MYT1: variants seen among roughly 807,000 people sequenced by gnomAD.
The protein encoded by MYT1 is myelin transcription factor 1.
In MYT1, 23 loss-of-function variants were observed where a neutral mutation model predicts 123.0. The observed-to-expected ratio is 0.19, with a 90% confidence interval of 0.13 to 0.26. The LOEUF is 0.26. Among genes scored for constraint, MYT1 ranks in the 10% least tolerant of loss-of-function variants. The pLI is 1.00. For missense variants in MYT1, 1,125 were observed against 1,472.5 expected, an observed-to-expected ratio of 0.76 and a Z score of 3.86; for synonymous variants, 518 against 575.3, an observed-to-expected ratio of 0.90 and a Z score of 1.43.
In MYT1 at chr20:64,230,148, C is replaced by T. The variant is rs534386955; in HGVS notation, c.2676-2016C>T. ...AAATCTGAAATCCTCTCCATGTATG[C>T]GATTCAAGGGAACAAAAACAGTTTC... On this transcript the variant is annotated intron_variant, in intron 18 of 22. Coordinates refer to ENST00000328439, the MANE Select transcript of MYT1 (RefSeq NM_004535.3). Among the ~76,000 whole-genome samples, 5 of 152,222 alleles carry T rather than the reference C, an allele frequency of 3.3e-5. No homozygotes were observed. In the South Asian group the frequency reaches 6.2e-4, roughly 19 times the overall value.
chr20:64,171,045 G>T, intron 1 of MYT1, among the ~76,000 whole-genome samples: 1 of 150,050 alleles, frequency 6.7e-6, no homozygotes, highest in East Asian at 2.0e-4. Flanking sequence ...AAGTAGCTGG[G>T]ACTGCAGATG....
intron 18 of MYT1, among the ~76,000 whole-genome samples, chr20:64,228,597 G>T (rs1301154019): frequency 6.6e-6 from 1 of 152,176 alleles, no homozygotes; most frequent in Admixed American, 6.5e-5. Flanking sequence ...TCTTTGTGGG[G>T]CTTATAGGTG....
rs570768574 is a variant in MYT1 at position 64,184,246 on chromosome 20, G to C, written c.-98-5817G>C. 8.5e-5 allele frequency among the ~76,000 whole-genome samples: 13 copies of C among 152,196 alleles called. No homozygotes were observed. The South Asian group carries it at 2.7e-3, about 32-fold the overall frequency. ...CCATTGCTGAACCCAGAGTCGGAAA[G>C]ATTTACCGCGGTGTTTTCTAGGAGT... On this transcript the variant is annotated intron_variant, in intron 1 of 22. Transcript: ENST00000328439.
chr20:64,201,888 C>T (rs146759808), intron 4 of MYT1, among the ~76,000 whole-genome samples: 2 of 141,086 alleles, frequency 1.4e-5, no homozygotes, highest in East Asian at 1.9e-4. Context: ...AGTCACCTGT[C>T]GGGAACCCCC....
At chr20:64,171,508 A>C (rs1421780125) in intron 1 of MYT1, among the ~76,000 whole-genome samples, 1 of 152,222 alleles carries the variant, frequency 6.6e-6, no homozygotes, top group Non-Finnish European at 1.5e-5. Context: ...GCGGCTTCTA[A>C]GTCAGAACCT....
chr20:64,232,490 G>A lies in MYT1; in HGVS notation c.2897+105G>A, dbSNP rs1428555408. On this transcript the variant is annotated intron_variant, in intron 19 of 22. Coordinates refer to ENST00000328439, the MANE Select transcript of MYT1 (RefSeq NM_004535.3). The surrounding 1 kb of genome is among the most constrained non-coding windows in gnomAD (Gnocchi z 6.9). ...GGAGGGCCAGACCAGGGCTCCGTGT[G>A]ACCAGAGTTGCTCAAGGGAAAGGCC... 3.4e-6 allele frequency: 4 copies of A among 1,165,538 alleles called. No homozygotes were observed. In the African/African-American group the frequency reaches 4.6e-5, roughly 13 times the overall value. 72.2% of individuals were successfully genotyped at this position (1,165,538 alleles called of 1,614,324 possible).
rs943428725 is a variant in MYT1, at chr20:64,196,986, G to A, written c.1-1876G>A. ...CTGCATCGGAAGGCATTGCACACGG[G>A]CTCAGAGCAGACGACATTTGAAGGC... On this transcript the variant is annotated intron_variant, in intron 2 of 22. Coordinates refer to ENST00000328439, the MANE Select transcript of MYT1 (RefSeq NM_004535.3). The surrounding 1 kb of genome is among the most constrained non-coding windows in gnomAD (Gnocchi z 4.3). Among the ~76,000 whole-genome samples, 3 of 152,214 alleles carry A rather than the reference G, an allele frequency of 2.0e-5. No individual in the cohort carries two copies. Among genetic ancestry groups the A allele is most frequent in the Non-Finnish European group, 4.4e-5 (3 of 68,038 alleles).
intron 2 of MYT1, among the ~76,000 whole-genome samples, chr20:64,194,675 G>A (rs1227652526): frequency 1.3e-5 from 2 of 152,258 alleles, no homozygotes; most frequent in Non-Finnish European, 2.9e-5. Context: ...GAGACAGAGA[G>A]GGAGTCCGTG....
At position 64,190,402 on chromosome 20, in the gene MYT1, G is replaced by A. The variant is rs559847104; in HGVS notation, c.-1+242G>A. On this transcript the variant is annotated intron_variant, in intron 2 of 22. Transcript: ENST00000328439. This position sits in a 1 kb window ranked among gnomAD's most constrained non-coding sequence, Gnocchi z 4.1. ...TAAAATGTGACCCCAGGCTGGGCCC[G>A]GTGGCTCACACCTGTAATCCCAGCA... 2.0e-5 allele frequency among the ~76,000 whole-genome samples: 3 copies of A among 152,312 alleles called. No homozygotes were observed. In the South Asian group the frequency reaches 6.2e-4, roughly 32 times the overall value.
intron 16 of MYT1, among the ~76,000 whole-genome samples, chr20:64,227,072 G>A (rs1286126085): frequency 6.6e-6 from 1 of 152,222 alleles, no homozygotes; most frequent in Non-Finnish European, 1.5e-5. Flanking sequence ...TCGTGTCCTT[G>A]GCTGCAGTGG....
chr20:64,167,988 C>T lies in MYT1; in HGVS notation c.-99+3249C>T, dbSNP rs1051756212. Among the ~76,000 whole-genome samples, 3 of 152,278 alleles carry T rather than the reference C, an allele frequency of 2.0e-5. No individual in the cohort carries two copies. Among genetic ancestry groups the T allele is most frequent in the East Asian group, 1.9e-4 (1 of 5,184 alleles). On this transcript the variant is annotated intron_variant, in intron 1 of 22. Coordinates refer to ENST00000328439, the MANE Select transcript of MYT1 (RefSeq NM_004535.3). The surrounding 1 kb of genome is among the most constrained non-coding windows in gnomAD (Gnocchi z 6.3). The stretch of plus-strand genomic sequence containing the variant: ...TGGGCTTCCTGCTCTTTGGGGACTG[C>T]GGGACCCATCCCCGCTCCAGGACAG...
At chr20:64,220,122 A>G in intron 13 of MYT1, 140 bp downstream of exon 13, 1 of 1,381,228 alleles carries the variant, frequency 7.2e-7, no homozygotes, top group Non-Finnish European at 9.3e-7. Context: ...CCTTTTCGTG[A>G]AGGGTCCTTC....
In MYT1 at chr20:64,208,515, C is replaced by T. The variant is rs768988623; in HGVS notation, c.1291+28C>T. The T allele has an allele frequency of 6.4e-7, 1 of 1,555,326 alleles. No individual in the cohort carries two copies. Among genetic ancestry groups the T allele is most frequent in the Admixed American group, 1.8e-5 (1 of 55,500 alleles). On this transcript the variant is annotated intron_variant, in intron 7 of 22. Transcript: ENST00000328439. The surrounding 1 kb of genome is among the most constrained non-coding windows in gnomAD (Gnocchi z 5.4). ...AGGGCTCAGGGGTGGCCTGGCCCTG[C>T]AGACTCATCCTTTCACCCCTGCCCC...
chr20:64,228,128 A>ATTGTT, intron 18 of MYT1, 157 bp downstream of exon 18: 1 of 693,968 alleles, frequency 1.4e-6, no homozygotes. Flanking sequence ...TTTTTATGGA[A>ATTGTT]GCTCTCATAC....
intron 3 of MYT1, 75 bp downstream of exon 3, chr20:64,198,991 C>A: frequency 6.7e-7 from 1 of 1,493,346 alleles, no homozygotes. Flanking sequence ...AGCACAAACC[C>A]CTAACCACAC....
At chr20:64,181,995 A>G (rs1223614719) in intron 1 of MYT1, among the ~76,000 whole-genome samples, 1 of 152,142 alleles carries the variant, frequency 6.6e-6, no homozygotes, top group African/African-American at 2.4e-5. Flanking sequence ...GTGGTCCCCC[A>G]GGAGTCTACT....
chr20:64,220,096 G>A (rs894633030), intron 13 of MYT1, 114 bp downstream of exon 13: 3 of 1,388,578 alleles, frequency 2.2e-6, no homozygotes, highest in Non-Finnish European at 2.8e-6. Context: ...TTCTGGAAGA[G>A]CCTCGGGGAG....
chr20:64,233,645 T>C (rs951283220), intron 19 of MYT1, among the ~76,000 whole-genome samples: 2 of 149,814 alleles, frequency 1.3e-5, no homozygotes, highest in Non-Finnish European at 3.0e-5. Context: ...TTGGGCAGAG[T>C]AGGTGGGACA....
At chr20:64,187,870 G>A (rs1223439106) in intron 1 of MYT1, among the ~76,000 whole-genome samples, 1 of 152,226 alleles carries the variant, frequency 6.6e-6, no homozygotes, top group African/African-American at 2.4e-5. Flanking sequence ...TGTACCCAGG[G>A]GTATGGTGCA....
Sources: allele counts gnomAD v4.1 joint callset (sites outside exome capture counted in the v4.1 genomes callset), GRCh38; gene constraint gnomAD v4.1.1; non-coding constraint Gnocchi (gnomAD v3.1); transcripts MANE v1.5; gene names NCBI Gene and HGNC (gene_info 2026-07-23, HGNC 2026-07-21).